Variants in ODAD2 observed in about 807,000 individuals in gnomAD.
The protein encoded by ODAD2 is outer dynein arm-docking complex subunit 2.
A neutral mutation model predicts 106.8 loss-of-function variants in ODAD2; 89 were observed. The observed-to-expected ratio is 0.83, with a 90% CI of 0.70 to 0.99. The LOEUF is 0.99. Ranked by LOEUF, ODAD2 falls within the 50% of genes least tolerant of loss-of-function variation. The pLI is 0.00. For missense variants in ODAD2, 1,168 were observed against 1,238.5 expected, an observed-to-expected ratio of 0.94 and a Z score of 0.85; for synonymous variants, 404 against 436.2, an observed-to-expected ratio of 0.93 and a Z score of 0.92.
chr10:27,928,985 G>T (rs1231760191), intron 16 of ODAD2, among the ~76,000 whole-genome samples: 1 of 152,096 alleles, frequency 6.6e-6, no homozygotes, highest in East Asian at 1.9e-4. Flanking sequence ...GATGAGACTG[G>T]TATTGCAGGC....
At chr10:27,912,169 A>G (rs1844059343) in intron 16 of ODAD2, among the ~76,000 whole-genome samples, 1 of 152,116 alleles carries the variant, frequency 6.6e-6, no homozygotes. Flanking sequence ...CAACAGGTCT[A>G]CCCCTTATAT....
intron 12 of ODAD2, 81 bp from the exon 13 acceptor site, chr10:27,940,886 T>C: frequency 7.1e-7 from 1 of 1,414,438 alleles, no homozygotes; most frequent in Non-Finnish European, 9.7e-7. Context: ...ACAGTGTTCC[T>C]TACCAAGCTC....
At chr10:27,900,024 C>A (rs1442314799) in intron 17 of ODAD2, among the ~76,000 whole-genome samples, 1 of 152,180 alleles carries the variant, frequency 6.6e-6, no homozygotes, top group African/African-American at 2.4e-5. Flanking sequence ...GACTGGGAGA[C>A]ACCTCCCAGC....
chr10:27,944,307 C>G lies in ODAD2; in HGVS notation c.1658G>C (p.Cys553Ser). 6.2e-7 allele frequency: 1 copy of G among 1,614,068 alleles called. No individual in the cohort carries two copies. The highest frequency in any genetic ancestry group is 1.1e-5 in the South Asian group (1 of 91,078). ...ILDSPHKSLKCLAAETIANVA... is the reference protein window; with the variant it reads ...ILDSPHKSLKSLAAETIANVA... ...ATTCGCGATAGTCTCGGCTGCCAAA[C>G]ATTTTAGACTCTTGTGTGGAGAATC... is the stretch of plus-strand genomic sequence containing the variant. Residue 553 changes from cysteine to serine, a missense_variant, in exon 12 of 20, where the codon TGT (cysteine) becomes TCT (serine). Transcript: ENST00000305242.
chr10:27,846,332 A>G (rs1393276288), intron 19 of ODAD2, among the ~76,000 whole-genome samples: 1 of 152,272 alleles, frequency 6.6e-6, no homozygotes, highest in Non-Finnish European at 1.5e-5. Context: ...TACTGGGTAC[A>G]TAATGAAATG....
intron 11 of ODAD2, 28 bp from the exon 12 acceptor site, chr10:27,944,459 C>A: frequency 6.3e-7 from 1 of 1,575,034 alleles, no homozygotes. Context: ...AGATGAGTGG[C>A]GAATATGTAA....
At chr10:27,998,012 A>G (rs995941581) in intron 1 of ODAD2, among the ~76,000 whole-genome samples, 7 of 152,344 alleles carry the variant, frequency 4.6e-5, no homozygotes, top group African/African-American at 1.4e-4. Flanking sequence ...AATAGATACC[A>G]CAGATTGTTT....
rs564537259 is a variant in ODAD2 at position 27,830,111 on chromosome 10, T to C, written c.3022-17486A>G. Among the ~76,000 whole-genome samples the C allele has an allele frequency of 2.0e-5, 3 of 152,270 alleles. No individual in the cohort carries two copies. The South Asian group carries it at 6.2e-4, about 32-fold the overall frequency. ...TGTTCCTTCTTGCTCCCCATAGAGA[T>C]CCTTGAAGTACCTTCTCCAACTCCA... On this transcript the variant is annotated intron_variant, in intron 19 of 19. Coordinates refer to ENST00000305242, the MANE Select transcript of ODAD2 (RefSeq NM_018076.5).
At chr10:27,948,536 T>A (rs1033481385) in intron 10 of ODAD2, among the ~76,000 whole-genome samples, 3 of 152,206 alleles carry the variant, frequency 2.0e-5, no homozygotes, top group Non-Finnish European at 4.4e-5. Context: ...CTTTTTCAAT[T>A]AAATCTCCCC....
At position 27,820,961 on chromosome 10, in the gene ODAD2, G is replaced by C. The variant is rs537147748; in HGVS notation, c.3022-8336C>G. Among the ~76,000 whole-genome samples, 15 of 152,054 alleles carry C rather than the reference G, an allele frequency of 9.9e-5. No individual in the cohort carries two copies. In the East Asian group the frequency reaches 2.9e-3, roughly 29 times the overall value. ...CACACCGGCTAATTTTGCATTTTTA[G>C]TAGAGACAGGGTTTTACCATGTTGG... is the stretch of plus-strand genomic sequence containing the variant. On this transcript the variant is annotated intron_variant, in intron 19 of 19. Transcript: ENST00000305242.
At chr10:27,874,499 T>C (rs1275760528) in intron 17 of ODAD2, among the ~76,000 whole-genome samples, 1 of 152,216 alleles carries the variant, frequency 6.6e-6, no homozygotes, top group Non-Finnish European at 1.5e-5. Context: ...GTACCAGCTG[T>C]TCCTTTCCAT....
chr10:27,885,550 A>ATT (rs1344883163), intron 17 of ODAD2, among the ~76,000 whole-genome samples: 1 of 19,314 alleles, frequency 5.2e-5, no homozygotes, highest in African/African-American at 1.8e-4. Context: ...ATATATATAA[A>ATT]TATATAAATA....
chr10:27,818,829 C>T (rs1038528753), intron 19 of ODAD2, among the ~76,000 whole-genome samples: 3 of 152,126 alleles, frequency 2.0e-5, no homozygotes, highest in African/African-American at 7.2e-5. Flanking sequence ...AGCTCAACTA[C>T]CTGAGAAGGA....
chr10:27,957,379 G>T (rs1158577381), intron 10 of ODAD2: 11 of 152,208 alleles, frequency 7.2e-5, no homozygotes, highest in Admixed American at 5.2e-4. Context: ...GGCAGAGGTA[G>T]GGAGGCGAGC....
chr10:27,850,693 G>A (rs898978039), intron 19 of ODAD2, among the ~76,000 whole-genome samples: 17 of 152,100 alleles, frequency 1.1e-4, no homozygotes, highest in Admixed American at 9.8e-4. Context: ...ATGGAGTAAC[G>A]GGGACTGGAT....
intron 10 of ODAD2, among the ~76,000 whole-genome samples, chr10:27,951,910 A>G (rs1325233882): frequency 6.6e-6 from 1 of 151,800 alleles, no homozygotes; most frequent in Non-Finnish European, 1.5e-5. Flanking sequence ...CCCCATCTCT[A>G]CTAAAAATAC....
chr10:27,933,210 A>G (rs914694144), intron 16 of ODAD2, among the ~76,000 whole-genome samples: 1 of 152,142 alleles, frequency 6.6e-6, no homozygotes, highest in East Asian at 1.9e-4. Context: ...TGATTGCATC[A>G]CTGTATTTCA....
intron 16 of ODAD2, among the ~76,000 whole-genome samples, chr10:27,927,257 C>T (rs1416013381): frequency 6.6e-6 from 1 of 152,042 alleles, no homozygotes; most frequent in Non-Finnish European, 1.5e-5. Context: ...TAAAACTGTG[C>T]TAAGGGTTTA....
chr10:27,882,530 G>C (rs1841816528), intron 17 of ODAD2, among the ~76,000 whole-genome samples: 1 of 152,086 alleles, frequency 6.6e-6, no homozygotes, highest in Non-Finnish European at 1.5e-5. Context: ...GCAAAAAGTG[G>C]TAAAATCAAC....
Sources: gnomAD v4.1 joint callset for allele counts (sites outside exome capture counted in the v4.1 genomes callset) on GRCh38, gnomAD v4.1.1 for gene constraint, MANE v1.5 for transcripts, NCBI Gene and HGNC (gene_info 2026-07-23, HGNC 2026-07-21) for gene names.